Variants in SPAG17 observed in about 807,000 individuals in gnomAD.
The protein encoded by SPAG17 is sperm associated antigen 17.
Under a neutral mutation model 273.6 loss-of-function variants are expected in SPAG17, and 169 were observed. The ratio of observed to expected loss-of-function variants is 0.62; its 90% CI spans 0.55 to 0.70. The LOEUF is 0.70. Among genes scored for constraint, SPAG17 ranks in the 30% least tolerant of loss-of-function variants. The probability of loss-of-function intolerance (pLI) is 0.00; values close to 1 mark genes in which losing one functional copy is unlikely to be tolerated. For synonymous variants in SPAG17, 825 were observed against 873.2 expected (o/e 0.94, Z 0.97); for missense variants, 2,557 against 2,627.8 (o/e 0.97, Z 0.59).
intron 6 of SPAG17, among the ~76,000 whole-genome samples, chr1:118,098,786 T>G (rs1214399120): frequency 6.6e-6 from 1 of 152,198 alleles, no homozygotes; most frequent in East Asian, 1.9e-4. Context: ...CCAAGACATG[T>G]GCCCAATATA....
chr1:118,050,204 A>C (rs2101973113), intron 20 of SPAG17, among the ~76,000 whole-genome samples: 1 of 152,312 alleles, frequency 6.6e-6, no homozygotes, highest in East Asian at 1.9e-4. Flanking sequence ...GAAGTGATGC[A>C]AGACCCTGGA....
At chr1:118,085,083 C>A (rs569936398) in intron 13 of SPAG17, among the ~76,000 whole-genome samples, 1 of 152,318 alleles carries the variant, frequency 6.6e-6, no homozygotes, top group South Asian at 2.1e-4. Context: ...AAGTCACACT[C>A]TTTCTTAGTT....
intron 1 of SPAG17, among the ~76,000 whole-genome samples, chr1:118,166,960 C>T (rs760912165): frequency 1.8e-4 from 28 of 151,916 alleles, no homozygotes; most frequent in Non-Finnish European, 3.1e-4. Context: ...GTAGATATTA[C>T]TTTTTGAGGC....
At chr1:118,111,345 ATTTCGAT>A (rs1656741442) in intron 4 of SPAG17, among the ~76,000 whole-genome samples, 1 of 152,086 alleles carries the variant, frequency 6.6e-6, no homozygotes, top group East Asian at 1.9e-4. Flanking sequence ...TGGGATCCTC[ATTTCGAT>A]AATCCACCCT....
At chr1:118,076,644 TTCTAAAAA>T (rs1654124214) in intron 15 of SPAG17, 2 of 152,324 alleles carry the variant, frequency 1.3e-5, no homozygotes, top group Admixed American at 6.5e-5. Context: ...AGAAAATATG[TTCTAAAAA>T]TTATGCATCA....
chr1:118,132,300 G>C (rs964941902), intron 3 of SPAG17, among the ~76,000 whole-genome samples: 5 of 152,256 alleles, frequency 3.3e-5, no homozygotes, highest in East Asian at 3.9e-4. Context: ...TGAGGCCAGA[G>C]AAAGGCAGTG....
At chr1:117,991,371 T>G in intron 37 of SPAG17, 44 bp downstream of exon 37, 1 of 1,176,980 alleles carries the variant, frequency 8.5e-7, no homozygotes, top group Middle Eastern at 2.0e-4. Flanking sequence ...ACATTTAATA[T>G]TGAAACAATA....
At chr1:118,054,169 A>G (rs919385837) in intron 19 of SPAG17, 76 bp from the exon 20 acceptor site, 1 of 900,472 alleles carries the variant, frequency 1.1e-6, no homozygotes. Flanking sequence ...TCTGGGTTAG[A>G]TGAGATCTCA....
chr1:118,086,078 G>A lies in SPAG17; in HGVS notation c.1612-6C>T, dbSNP rs886637057. The stretch of plus-strand genomic sequence containing the variant: ...GGATCAAAATTCTTTTGGTCCTGAT[G>A]AAAAAGAGCAACATGACAGAAGACA... On this transcript the variant is annotated splice_region_variant and splice_polypyrimidine_tract_variant and intron_variant, in intron 12 of 48. Transcript: ENST00000336338. 1.2e-6 allele frequency: 2 copies of A among 1,612,700 alleles called. No individual in the cohort carries two copies. Among genetic ancestry groups the A allele is most frequent in the Non-Finnish European group, 1.7e-6 (2 of 1,179,616 alleles).
chr1:118,008,069 A>G lies in SPAG17; in HGVS notation c.4562T>C (p.Ile1521Thr). The G allele has an allele frequency of 6.2e-7, 1 of 1,613,992 alleles. No individual in the cohort carries two copies. Among genetic ancestry groups the G allele is most frequent in the East Asian group, 2.2e-5 (1 of 44,868 alleles). Residue 1521 changes from isoleucine to threonine, a missense_variant, in exon 31 of 49, where the codon ATT (isoleucine) becomes ACT (threonine). Ile to Thr is a moderately conservative substitution (Grantham distance 89, BLOSUM62 -1). Transcript: ENST00000336338. ...CATFGDGTTI[I>T]AKPQGTYQVL... is the part of the protein sequence containing the mutation. ...CTGGTATGTTCCCTGTGGCTTTGCA[A>G]TAATAGTTGTTCCATCTCCAAAGGT...
intron 38 of SPAG17, among the ~76,000 whole-genome samples, chr1:117,990,129 A>G (rs1400315231): frequency 6.6e-6 from 1 of 152,120 alleles, no homozygotes; most frequent in Non-Finnish European, 1.5e-5. Flanking sequence ...GCAGCTGTCA[A>G]TTATCTTCAG....
intron 42 of SPAG17, 57 bp downstream of exon 42, chr1:117,983,754 T>TAGGTATTA: frequency 8.4e-7 from 1 of 1,190,090 alleles, no homozygotes; most frequent in Admixed American, 1.8e-5. Context: ...AGGCCACTGT[T>TAGGTATTA]AGGTATTATT....
intron 26 of SPAG17, among the ~76,000 whole-genome samples, chr1:118,026,476 A>G (rs1647763551): frequency 6.6e-6 from 1 of 152,214 alleles, no homozygotes; most frequent in Non-Finnish European, 1.5e-5. Flanking sequence ...CCCTTAAATC[A>G]CAGAAGTACT....
At chr1:118,066,216 T>C (rs1652950371) in intron 18 of SPAG17, among the ~76,000 whole-genome samples, 1 of 152,204 alleles carries the variant, frequency 6.6e-6, no homozygotes, top group East Asian at 1.9e-4. Flanking sequence ...TGAAATATCA[T>C]CATACTTAAT....
At chr1:117,982,128 A>C (rs948019214) in intron 42 of SPAG17, among the ~76,000 whole-genome samples, 1 of 152,120 alleles carries the variant, frequency 6.6e-6, no homozygotes, top group Admixed American at 6.5e-5. Flanking sequence ...TTCCAGCCTT[A>C]ATCTTTGGTT....
rs1654821150 is a variant in SPAG17, at chr1:117,973,680, A to G, written c.6005-119T>C. Reference sequence around the variant, plus strand: ...GGAAACTTTTTTTCTTTGCTTTTCAAAGAGCTTATTTATTTATTTTTATTT... The same window carrying G: ...GGAAACTTTTTTTCTTTGCTTTTCAGAGAGCTTATTTATTTATTTTTATTT... On this transcript the variant is annotated intron_variant, in intron 43 of 48. Coordinates refer to ENST00000336338, the MANE Select transcript of SPAG17 (RefSeq NM_206996.4). 7 of 900,210 alleles carry G rather than the reference A, an allele frequency of 7.8e-6. No homozygotes were observed. The East Asian group carries it at 2.0e-4, about 26-fold the overall frequency. The allele number at this position is 900,210 out of a possible 1,614,324, so 55.8% of individuals were successfully genotyped here.
At chr1:118,028,711 C>T (rs1648069766) in intron 25 of SPAG17, among the ~76,000 whole-genome samples, 1 of 152,062 alleles carries the variant, frequency 6.6e-6, no homozygotes, top group Non-Finnish European at 1.5e-5. Context: ...TGAAAGATGC[C>T]TCTGTTTGGA....
At chr1:117,982,557 T>C (rs1023811735) in intron 42 of SPAG17, among the ~76,000 whole-genome samples, 5 of 152,204 alleles carry the variant, frequency 3.3e-5, no homozygotes, top group Admixed American at 6.5e-5. Flanking sequence ...CTGGGTATTT[T>C]AACTACTCAG....
At chr1:118,069,344 C>CAAA (rs563980015) in intron 17 of SPAG17, among the ~76,000 whole-genome samples, 3 of 86,156 alleles carry the variant, frequency 3.5e-5, no homozygotes, top group African/African-American at 1.0e-4. Context: ...GACTCCGTCT[C>CAAA]AAAAAAAAAA....
Sources: allele counts gnomAD v4.1 joint callset (sites outside exome capture counted in the v4.1 genomes callset), GRCh38; gene constraint gnomAD v4.1.1; transcripts MANE v1.5; gene names NCBI Gene and HGNC (gene_info 2026-07-23, HGNC 2026-07-21).